Variants in ANKHD1 observed in about 807,000 individuals in gnomAD.
The protein encoded by ANKHD1 is ankyrin repeat and KH domain containing 1.
In ANKHD1, 31 loss-of-function variants were observed where a neutral mutation model predicts 230.5. That is an observed-to-expected ratio of 0.13 (90% CI 0.10 to 0.18). The LOEUF (loss-of-function observed/expected upper bound fraction) is 0.18. Among genes scored for constraint, ANKHD1 ranks in the 10% least tolerant of loss-of-function variants. ANKHD1 has a pLI of 1.00. For missense variants in ANKHD1, 2,256 were observed against 3,071.3 expected, an observed-to-expected ratio of 0.73 and a Z score of 6.27; for synonymous variants, 1,074 against 1,117.6, an observed-to-expected ratio of 0.96 and a Z score of 0.78.
At position 140,524,364 on chromosome 5, in the gene ANKHD1, C is replaced by G. The variant is rs576115118; in HGVS notation, c.4492+124C>G. 11 of 1,381,890 alleles carry G rather than the reference C, an allele frequency of 8.0e-6. No homozygotes were observed. In the African/African-American group the frequency reaches 1.7e-4, roughly 21 times the overall value. 85.6% of individuals were successfully genotyped at this position (1,381,890 alleles called of 1,614,324 possible). The stretch of plus-strand genomic sequence containing the variant: ...GATTACTTTATTAATCTGAAATGGA[C>G]AATGACTTTTATAGTAAATATTTGT... On this transcript the variant is annotated intron_variant, in intron 25 of 33. Transcript: ENST00000360839.
intron 24 of ANKHD1, among the ~76,000 whole-genome samples, chr5:140,518,830 T>C (rs1431810600): frequency 6.6e-6 from 1 of 152,168 alleles, no homozygotes; most frequent in Non-Finnish European, 1.5e-5. Context: ...GCCAATATCA[T>C]ACTGAATGGG....
intron 24 of ANKHD1, among the ~76,000 whole-genome samples, chr5:140,519,681 G>A (rs1753227127): frequency 1.3e-5 from 2 of 152,148 alleles, no homozygotes; most frequent in South Asian, 2.1e-4. Context: ...ATGGGGAAAG[G>A]ATTCCCTATT....
At chr5:140,428,029 C>T (rs1288306751) in intron 1 of ANKHD1, among the ~76,000 whole-genome samples, 17 of 151,898 alleles carry the variant, frequency 1.1e-4, no homozygotes, top group South Asian at 2.1e-4. Flanking sequence ...CCCCACATCC[C>T]GGACGATGGG....
intron 15 of ANKHD1, among the ~76,000 whole-genome samples, chr5:140,504,404 A>G (rs1231880486): frequency 6.6e-6 from 1 of 152,222 alleles, no homozygotes; most frequent in Admixed American, 6.5e-5. Flanking sequence ...CTTTTTTACA[A>G]ACTAAAATCT....
Position 140,485,685 on chromosome 5 carries a change from A to G in ANKHD1, c.2095A>G (p.Thr699Ala). Residue 699 changes from threonine to alanine, a missense_variant, in exon 13 of 34, where the codon ACC becomes GCC. By Grantham distance (58) the Thr-to-Ala change is moderately conservative. This residue lies in a region of ANKHD1 where 358 missense variants were observed against 397.7 expected (regional missense o/e 0.90). Transcript: ENST00000360839. The surrounding 1 kb of genome is among the most constrained non-coding windows in gnomAD (Gnocchi z 4.8). ...TCCAAATAATGTTCTGTCAGTTCCC[A>G]CCACAGATGTGTCTCAGCTCCCTCC... ...DYPNNVLSVP[T>A]TDVSQLPPPS... 1.9e-6 allele frequency: 3 copies of G among 1,614,082 alleles called. No homozygotes were observed. Among genetic ancestry groups the G allele is most frequent in the Non-Finnish European group, 2.5e-6 (3 of 1,179,974 alleles).
rs33957556 is a variant in ANKHD1, at chr5:140,444,079, TCC to T, written c.914-1653_914-1652del. Among the ~76,000 whole-genome samples, 456 of 113,324 alleles carry T rather than the reference TCC, an allele frequency of 4.0e-3. 3 individuals carry two copies. The highest frequency in any genetic ancestry group is 0.013 in the African/African-American group (370 of 28,596). 74.3% of individuals were successfully genotyped at this position (113,324 alleles called of 152,430 possible). On this transcript the variant is annotated intron_variant, in intron 5 of 33. Coordinates refer to ENST00000360839, the MANE Select transcript of ANKHD1 (RefSeq NM_017747.3). Reference sequence around the variant, plus strand: ...AGAAAAGGGCTTGGTTGAGATGAAGTCCCCCCCCCCCTTTTTTTTTTTTTTAG... The same window carrying T: ...AGAAAAGGGCTTGGTTGAGATGAAGTCCCCCCCCCTTTTTTTTTTTTTTAG...
At chr5:140,415,032 A>G (rs1288778270) in intron 1 of ANKHD1, among the ~76,000 whole-genome samples, 1 of 151,992 alleles carries the variant, frequency 6.6e-6, no homozygotes. Flanking sequence ...AACCTAATTT[A>G]TCTGTTTTTT....
chr5:140,419,883 GTCCT>G (rs1257463355), intron 1 of ANKHD1, among the ~76,000 whole-genome samples: 10 of 55,004 alleles, frequency 1.8e-4, no homozygotes, highest in Non-Finnish European at 2.4e-4. Flanking sequence ...TTCTTCTTCT[GTCCT>G]TCCTTCCTTC....
At chr5:140,417,367 C>CTTTT (rs1000842419) in intron 1 of ANKHD1, among the ~76,000 whole-genome samples, 1 of 148,906 alleles carries the variant, frequency 6.7e-6, no homozygotes, top group Non-Finnish European at 1.5e-5. Flanking sequence ...GATACATTCT[C>CTTTT]TTTTTTTTTG....
At chr5:140,492,803 C>T (rs1206341061) in intron 14 of ANKHD1, among the ~76,000 whole-genome samples, 1 of 152,020 alleles carries the variant, frequency 6.6e-6, no homozygotes, top group East Asian at 1.9e-4. Context: ...CATTATTTTT[C>T]CATTGTACAA....
chr5:140,431,959 A>C (rs766276597), intron 1 of ANKHD1, among the ~76,000 whole-genome samples: 8 of 152,070 alleles, frequency 5.3e-5, no homozygotes, highest in Non-Finnish European at 1.0e-4. Flanking sequence ...TTCTCTCTCT[A>C]ATGGTGGTAA....
intron 30 of ANKHD1, among the ~76,000 whole-genome samples, chr5:140,536,358 TGC>T (rs1754074859): frequency 6.6e-6 from 1 of 152,224 alleles, no homozygotes; most frequent in Admixed American, 6.5e-5. Context: ...CCTCCCAAAG[TGC>T]TGGGATTACA....
At chr5:140,456,241 C>T in intron 7 of ANKHD1, among the ~76,000 whole-genome samples, 1 of 152,188 alleles carries the variant, frequency 6.6e-6, no homozygotes, top group East Asian at 1.9e-4. Flanking sequence ...ACATTCCATG[C>T]TCATGGATAG....
chr5:140,480,736 A>C (rs1185166493), intron 10 of ANKHD1, among the ~76,000 whole-genome samples: 2 of 152,092 alleles, frequency 1.3e-5, no homozygotes, highest in Non-Finnish European at 2.9e-5. Flanking sequence ...GTGCTATGAG[A>C]GGGAAGATTT....
At chr5:140,422,179 G>T (rs980111057) in intron 1 of ANKHD1, among the ~76,000 whole-genome samples, 1 of 152,144 alleles carries the variant, frequency 6.6e-6, no homozygotes, top group Non-Finnish European at 1.5e-5. Flanking sequence ...CTGGAGTGCA[G>T]TGGCATGATC....
In ANKHD1 at chr5:140,537,401, CACCAACGTT is replaced by C; in HGVS notation, c.7041_7049del (p.Pro2348_Leu2350del). 6.2e-7 allele frequency: 1 copy of C among 1,614,054 alleles called. No individual in the cohort carries two copies. The highest frequency in any genetic ancestry group is 2.2e-5 in the East Asian group (1 of 44,886). On this transcript the variant is annotated inframe_deletion, in exon 31 of 34. Transcript: ENST00000360839. ...TCACCTCTTTCAGCCACTTCTGCCC[CACCAACGTT>C]GGGCCAACCAAAAGGAGTCAGTGCC...
In ANKHD1 at chr5:140,417,960, C is replaced by T. The variant is rs1771541974; in HGVS notation, c.306+15687C>T. Reference sequence around the variant, plus strand: ...GTTCAAGCAATTCTCCTGCTTCAGCCCCCCGAGTAGCTGGGATTACAGGTG... The same window carrying T: ...GTTCAAGCAATTCTCCTGCTTCAGCTCCCCGAGTAGCTGGGATTACAGGTG... On this transcript the variant is annotated intron_variant, in intron 1 of 33. Coordinates refer to ENST00000360839, the MANE Select transcript of ANKHD1 (RefSeq NM_017747.3). 2.0e-5 allele frequency among the ~76,000 whole-genome samples: 3 copies of T among 151,314 alleles called. No homozygotes were observed. The South Asian group carries it at 6.3e-4, about 32-fold the overall frequency.
intron 24 of ANKHD1, among the ~76,000 whole-genome samples, chr5:140,513,749 C>T (rs1458300492): frequency 1.4e-5 from 2 of 147,476 alleles, no homozygotes; most frequent in Admixed American, 1.4e-4. Context: ...GCAGAGGTTG[C>T]AGTGAGTCGA....
intron 1 of ANKHD1, among the ~76,000 whole-genome samples, chr5:140,414,527 A>C (rs538538014): frequency 6.6e-6 from 1 of 152,152 alleles, no homozygotes; most frequent in African/African-American, 2.4e-5. Context: ...TCCATTGTAC[A>C]TTTAAAAAGA....
Sources: allele counts gnomAD v4.1 joint callset (sites outside exome capture counted in the v4.1 genomes callset), GRCh38; gene constraint gnomAD v4.1.1; regional missense constraint gnomAD v4.1.1; non-coding constraint Gnocchi (gnomAD v3.1); transcripts MANE v1.5; gene names NCBI Gene and HGNC (gene_info 2026-07-23, HGNC 2026-07-21).